Variants in BMPER observed in about 807,000 individuals in gnomAD.
The protein encoded by BMPER is BMP-binding endothelial regulator protein.
In BMPER, 45 loss-of-function variants were observed where a neutral mutation model predicts 87.3. The observed-to-expected ratio is 0.52, with a 90% CI of 0.41 to 0.66. BMPER has a LOEUF of 0.66. BMPER is among the 30% of genes least tolerant of loss of function. The pLI is 0.00. For missense variants in BMPER, 784 were observed against 867.5 expected, an observed-to-expected ratio of 0.90 and a Z score of 1.21; for synonymous variants, 326 against 316.2, an observed-to-expected ratio of 1.03 and a Z score of -0.33.
Position 34,110,425 on chromosome 7 carries a change from T to C in BMPER, c.1745+24333T>C, listed in dbSNP as rs556494429. 4.6e-5 allele frequency among the ~76,000 whole-genome samples: 7 copies of C among 152,248 alleles called. No homozygotes were observed. In the South Asian group the frequency reaches 8.3e-4, roughly 18 times the overall value. On this transcript the variant is annotated intron_variant, in intron 13 of 14. Transcript: ENST00000649409. ...TTTGCTTCCTGTTCTGTTTGATTAG[T>C]GTAGCACTGAGGGTGAGTGCCAGAT...
intron 6 of BMPER, among the ~76,000 whole-genome samples, chr7:34,028,608 T>TTTTTTTTTTTTTTTTTTTTTTTTTTTTG (rs1787435594): frequency 9.0e-6 from 1 of 111,174 alleles, no homozygotes; most frequent in Non-Finnish European, 1.8e-5. Context: ...TCTGTTTTTT[T>TTTTTTTTTTTTTTTTTTTTTTTTTTTTG]TTTTTTTTTT....
chr7:34,048,475 G>T (rs981087539), intron 7 of BMPER, among the ~76,000 whole-genome samples: 23 of 152,214 alleles, frequency 1.5e-4, no homozygotes, highest in African/African-American at 5.5e-4. Context: ...GCCAGTGTGT[G>T]TCAGTGTCCC....
intron 6 of BMPER, among the ~76,000 whole-genome samples, chr7:33,980,572 G>T (rs1175092716): frequency 6.6e-6 from 1 of 152,162 alleles, no homozygotes; most frequent in African/African-American, 2.4e-5. Context: ...AAAGACCAAG[G>T]TGCCAATCAG....
At chr7:33,941,314 A>G (rs978099065) in intron 3 of BMPER, among the ~76,000 whole-genome samples, 1 of 150,624 alleles carries the variant, frequency 6.6e-6, no homozygotes, top group African/African-American at 2.4e-5. Flanking sequence ...TCGTTTTTTC[A>G]GATCATTTAA....
chr7:34,134,590 C>T (rs1233673457), intron 13 of BMPER, among the ~76,000 whole-genome samples: 1 of 152,148 alleles, frequency 6.6e-6, no homozygotes, highest in East Asian at 1.9e-4. Flanking sequence ...AACTTCCCAA[C>T]AGGAGTATTT....
At chr7:33,944,465 C>T (rs1172609796) in intron 3 of BMPER, among the ~76,000 whole-genome samples, 2 of 152,078 alleles carry the variant, frequency 1.3e-5, no homozygotes, top group Non-Finnish European at 2.9e-5. Flanking sequence ...CAGTGCCCAG[C>T]CTAAGAATGA....
At chr7:33,962,732 A>G (rs1562655180) in intron 3 of BMPER, among the ~76,000 whole-genome samples, 1 of 152,182 alleles carries the variant, frequency 6.6e-6, no homozygotes, top group Non-Finnish European at 1.5e-5. Context: ...GAAGCTTATA[A>G]AATCTCAAAT....
intron 14 of BMPER, among the ~76,000 whole-genome samples, chr7:34,145,045 C>T (rs954546801): frequency 2.6e-5 from 4 of 152,122 alleles, no homozygotes; most frequent in African/African-American, 9.7e-5. Context: ...TTGGAATCAC[C>T]CTGGGAGCTT....
chr7:33,905,506 G>C (rs886062294), upstream of BMPER: 52 of 1,294,006 alleles, frequency 4.0e-5, no homozygotes, highest in Admixed American at 1.1e-4. Context: ...CTTCGCGGAC[G>C]GTCTCCCGAC....
At chr7:33,934,446 C>T (rs1233063913) in intron 2 of BMPER, among the ~76,000 whole-genome samples, 1 of 151,328 alleles carries the variant, frequency 6.6e-6, no homozygotes, top group African/African-American at 2.4e-5. Context: ...TTTAAAAACT[C>T]CCAGTGTAAT....
At chr7:34,116,717 C>T (rs1790126544) in intron 13 of BMPER, among the ~76,000 whole-genome samples, 1 of 152,220 alleles carries the variant, frequency 6.6e-6, no homozygotes, top group Admixed American at 6.5e-5. Context: ...TGGCTGGGCG[C>T]TGTGGCTCAC....
At chr7:33,929,567 C>T (rs1249236388) in intron 2 of BMPER, among the ~76,000 whole-genome samples, 4 of 152,164 alleles carry the variant, frequency 2.6e-5, no homozygotes, top group Non-Finnish European at 5.9e-5. Flanking sequence ...CATTTAAATT[C>T]TTAGCTGCAA....
intron 13 of BMPER, among the ~76,000 whole-genome samples, chr7:34,105,065 G>T (rs1789784486): frequency 6.6e-6 from 1 of 152,218 alleles, no homozygotes; most frequent in Non-Finnish European, 1.5e-5. Context: ...TGTGGTGTGT[G>T]TGAGAGTAGG....
intron 14 of BMPER, among the ~76,000 whole-genome samples, chr7:34,144,186 A>G (rs1790956958): frequency 6.6e-6 from 1 of 152,188 alleles, no homozygotes; most frequent in South Asian, 2.1e-4. Flanking sequence ...CATTCTATGC[A>G]GAGGAAACAT....
upstream of BMPER, chr7:33,905,146 T>A (rs1015513714): frequency 1.1e-5 from 2 of 186,556 alleles, no homozygotes; most frequent in Non-Finnish European, 2.2e-5. Flanking sequence ...TGGCAGGAGG[T>A]GAGGAGTGCG....
intron 6 of BMPER, among the ~76,000 whole-genome samples, chr7:34,016,772 T>C (rs566115772): frequency 3.9e-5 from 6 of 152,102 alleles, no homozygotes; most frequent in Non-Finnish European, 5.9e-5. Flanking sequence ...GTAACTGCCC[T>C]GACAAACCCA....
intron 3 of BMPER, among the ~76,000 whole-genome samples, chr7:33,945,090 T>C (rs779747298): frequency 9.9e-5 from 15 of 151,878 alleles, no homozygotes; most frequent in Non-Finnish European, 2.1e-4. Flanking sequence ...TACAGGCGCC[T>C]GCCAACACGC....
At chr7:34,106,946 T>C (rs1789835516) in intron 13 of BMPER, among the ~76,000 whole-genome samples, 1 of 152,220 alleles carries the variant, frequency 6.6e-6, no homozygotes, top group Non-Finnish European at 1.5e-5. Flanking sequence ...TTGTGCGGTC[T>C]TTCCTATTCA....
In BMPER at chr7:34,143,355, G is replaced by T. The variant is rs887670115; in HGVS notation, c.1871G>T (p.Cys624Phe). ...IKVHWEPQQNCAATQCKHGAV... is the reference protein window; with the variant it reads ...IKVHWEPQQNFAATQCKHGAV... ...GTCCACTGGGAGCCTCAGCAGAATT[G>T]TGCAGGTAAGAAAGTCCTGCTGGAT... Residue 624 changes from cysteine (C) to phenylalanine (F), a missense_variant, in exon 14 of 15, where the codon TGT (cysteine) becomes TTT (phenylalanine). By Grantham distance (205) the Cys-to-Phe change is radical. Coordinates refer to ENST00000649409, the MANE Select transcript of BMPER (RefSeq NM_001365308.1). The T allele has an allele frequency of 6.2e-7, 1 of 1,613,766 alleles. No individual in the cohort carries two copies. The highest frequency in any genetic ancestry group is 1.3e-5 in the African/African-American group (1 of 74,902).
Sources: gnomAD v4.1 joint callset for allele counts (sites outside exome capture counted in the v4.1 genomes callset) on GRCh38, gnomAD v4.1.1 for gene constraint, MANE v1.5 for transcripts, NCBI Gene and HGNC (gene_info 2026-07-23, HGNC 2026-07-21) for gene names.